CXXC4: variants seen among roughly 807,000 people sequenced by gnomAD.
CXXC4 encodes CXXC-type zinc finger protein 4.
In CXXC4, 5 loss-of-function variants were observed where a neutral mutation model predicts 20.5. The ratio of observed to expected loss-of-function variants is 0.24; its 90% CI spans 0.13 to 0.51. The LOEUF (loss-of-function observed/expected upper bound fraction) is 0.51, where lower values mean the gene tolerates loss of function less well. Among genes scored for constraint, CXXC4 ranks in the 20% least tolerant of loss-of-function variants. The probability of loss-of-function intolerance (pLI) is 0.97; values close to 1 mark genes in which losing one functional copy is unlikely to be tolerated. For synonymous variants in CXXC4, 250 were observed against 216.4 expected (o/e 1.16, Z -1.36); for missense variants, 419 against 496.4 (o/e 0.84, Z 1.48).
chr4:104,490,537 T>G (rs78393785), intron 2 of CXXC4, among the ~76,000 whole-genome samples: 5,172 of 152,276 alleles, frequency 0.034, 316 homozygotes, highest in African/African-American at 0.12. Flanking sequence ...GCACTCTCTC[T>G]ATCAGAAGGG....
chr4:104,474,196 A>G (rs956103199), intron 2 of CXXC4, among the ~76,000 whole-genome samples: 4 of 151,938 alleles, frequency 2.6e-5, no homozygotes, highest in African/African-American at 9.7e-5. Flanking sequence ...AAAGTTCACT[A>G]TTCTCATGGA....
rs1736215883 is a variant in CXXC4, at chr4:104,469,783, T to C, written c.*2539A>G. ...AGAACAATATCAAGAATAAAAAACA[T>C]AAGAGAATTAATGAAAAGCTACACT... On this transcript the variant is annotated 3_prime_UTR_variant, in exon 3 of 3. Transcript: ENST00000394767. 6.6e-6 allele frequency: 1 copy of C among 151,732 alleles called. No individual in the cohort carries two copies. The highest frequency in any genetic ancestry group is 2.4e-5 in the African/African-American group (1 of 41,358). 9.4% of individuals were successfully genotyped at this position (151,732 alleles called of 1,614,324 possible). A position where few individuals can be genotyped will look rare whatever the true frequency, so the allele number is the denominator to read the frequency against.
In CXXC4 at chr4:104,490,923, C is replaced by T. The variant is rs1373699262; in HGVS notation, c.880G>A (p.Gly294Arg). The change falls in exon 2 of 3, where the codon GGA becomes AGA. Residue 294 changes from glycine to arginine, a missense_variant. By Grantham distance (125) the Gly-to-Arg change is moderately radical (BLOSUM62 -2). Coordinates refer to ENST00000394767, the MANE Select transcript of CXXC4 (RefSeq NM_025212.4). ...HSSSSSSSSG[G>R]AGGANPAKKK... ...TTGGCTGGGTTGGCTCCGCCAGCTC[C>T]CCCTGAGGAGGACGAGGAGGAGGAG... The T allele has an allele frequency of 2.5e-6, 4 of 1,614,014 alleles. No homozygotes were observed. In the African/African-American group the frequency reaches 4.0e-5, roughly 16 times the overall value.
chr4:104,476,167 A>G (rs937624735), intron 2 of CXXC4, among the ~76,000 whole-genome samples: 1 of 152,174 alleles, frequency 6.6e-6, no homozygotes, highest in African/African-American at 2.4e-5. Flanking sequence ...TTTTTAAAAA[A>G]ATTTAAAATT....
At chr4:104,475,888 C>T (rs1008071815) in intron 2 of CXXC4, among the ~76,000 whole-genome samples, 1 of 152,080 alleles carries the variant, frequency 6.6e-6, no homozygotes. Context: ...TTGTTTAAGG[C>T]AGCCTTCACT....
At chr4:104,484,314 A>G (rs1399772703) in intron 2 of CXXC4, among the ~76,000 whole-genome samples, 1 of 152,016 alleles carries the variant, frequency 6.6e-6, no homozygotes, top group African/African-American at 2.4e-5. Context: ...ACATTGTTCA[A>G]CTATTAAGTT....
chr4:104,489,949 GA>G (rs558195960), intron 2 of CXXC4, among the ~76,000 whole-genome samples: 220 of 152,268 alleles, frequency 1.4e-3, no homozygotes, highest in African/African-American at 5.0e-3. Flanking sequence ...GTCCAATGCA[GA>G]GCCCAGGGGA....
Position 104,491,549 on chromosome 4 carries a change from C to T in CXXC4, c.254G>A (p.Gly85Asp), listed in dbSNP as rs1736877704. Residue 85 changes from glycine (G) to aspartate (D), a missense_variant, in exon 2 of 3, where the codon GGC becomes GAC. Gly to Asp is a moderately conservative substitution (Grantham distance 94, BLOSUM62 -1). Around this residue, in one of 3 missense-constraint regions of CXXC4, gnomAD observed 388 missense variants for 416.0 expected, o/e 0.93. Coordinates refer to ENST00000394767, the MANE Select transcript of CXXC4 (RefSeq NM_025212.4). ...GTTGTCGCAGTTCCAGGGGGACATG[C>T]CGATGCGCGCGGCGGCCGCGGCGGC... Reference protein sequence around the residue: ...AAAAAAAARIGMSPWNCDNAA... With the variant: ...AAAAAAAARIDMSPWNCDNAA... 2 of 1,494,372 alleles carry T rather than the reference C, an allele frequency of 1.3e-6. No homozygotes were observed. Among genetic ancestry groups the T allele is most frequent in the Non-Finnish European group, 1.8e-6 (2 of 1,119,944 alleles). The allele number at this position is 1,494,372 out of a possible 1,614,324, so 92.6% of individuals were successfully genotyped here. A position where few individuals can be genotyped will look rare whatever the true frequency, so the allele number is the denominator to read the frequency against.
intron 2 of CXXC4, among the ~76,000 whole-genome samples, chr4:104,487,550 TATC>T (rs1368978496): frequency 2.0e-5 from 3 of 152,232 alleles, no homozygotes; most frequent in Non-Finnish European, 2.9e-5. Context: ...TCATGTAACT[TATC>T]ATAAGGATCT....
intron 1 of CXXC4, among the ~76,000 whole-genome samples, chr4:104,492,694 C>T (rs1343568164): frequency 6.6e-6 from 1 of 152,010 alleles, no homozygotes; most frequent in African/African-American, 2.4e-5. Flanking sequence ...TCTGTGTCTG[C>T]GGTCATTAGT....
chr4:104,479,463 A>T (rs956733159), intron 2 of CXXC4, among the ~76,000 whole-genome samples: 1 of 152,100 alleles, frequency 6.6e-6, no homozygotes, highest in African/African-American at 2.4e-5. Context: ...TTTAACAGAA[A>T]ATTTCCTGTT....
rs1412547242 is a variant in CXXC4, at chr4:104,469,709, T to C, written c.*2613A>G. On this transcript the variant is annotated 3_prime_UTR_variant, in exon 3 of 3. Transcript: ENST00000394767. ...ATGAGAACTTTATATGCATCCTACATTATATAAATGGAGTTTAACCAAAAA... is the reference window on the plus strand; with the variant it reads ...ATGAGAACTTTATATGCATCCTACACTATATAAATGGAGTTTAACCAAAAA... The C allele has an allele frequency of 6.6e-6, 1 of 151,950 alleles. No homozygotes were observed. The highest frequency in any genetic ancestry group is 1.5e-5 in the Non-Finnish European group (1 of 67,948). The allele number at this position is 151,950 out of a possible 1,614,324, so 9.4% of individuals were successfully genotyped here.
rs116004069 is a variant in CXXC4 at position 104,481,053 on chromosome 4, G to A, written c.1060-8687C>T. ...AATATAATACTACAGAATCACATGAGGTAGCAAGGCAGAGATCATATTAGT... is the reference window on the plus strand; with the variant it reads ...AATATAATACTACAGAATCACATGAAGTAGCAAGGCAGAGATCATATTAGT... On this transcript the variant is annotated intron_variant, in intron 2 of 2. Transcript: ENST00000394767. 6.6e-3 allele frequency among the ~76,000 whole-genome samples: 999 copies of A among 152,230 alleles called. 8 individuals are homozygous for A. Among genetic ancestry groups the A allele is most frequent in the Non-Finnish European group, 0.011 (770 of 68,006 alleles).
At chr4:104,474,414 A>G (rs1736353045) in intron 2 of CXXC4, among the ~76,000 whole-genome samples, 1 of 152,088 alleles carries the variant, frequency 6.6e-6, no homozygotes, top group Non-Finnish European at 1.5e-5. Flanking sequence ...TACATGACGT[A>G]ATAAGAAATA....
intron 2 of CXXC4, among the ~76,000 whole-genome samples, chr4:104,488,381 A>T (rs935828148): frequency 1.3e-5 from 2 of 152,158 alleles, no homozygotes; most frequent in African/African-American, 4.8e-5. Flanking sequence ...TACAACCATA[A>T]CTGTGTATTT....
In CXXC4 at chr4:104,491,279, T is replaced by G. The variant is rs1736846560; in HGVS notation, c.524A>C (p.Asp175Ala). 2 of 1,610,870 alleles carry G rather than the reference T, an allele frequency of 1.2e-6. No homozygotes were observed. The highest frequency in any genetic ancestry group is 1.7e-6 in the Non-Finnish European group (2 of 1,179,386). Reference sequence around the variant, plus strand: ...GCCAGCTTTCCCCAGCCTCTGGGAGTCGTTTCGGTGGTGCATGCTGGTCCT... The same window carrying G: ...GCCAGCTTTCCCCAGCCTCTGGGAGGCGTTTCGGTGGTGCATGCTGGTCCT... ...GSRTSMHHRN[D>A]SQRLGKAGCP... Residue 175 changes from aspartate to alanine, a missense_variant, in exon 2 of 3, where the codon GAC (aspartate) becomes GCC (alanine). Coordinates refer to ENST00000394767, the MANE Select transcript of CXXC4 (RefSeq NM_025212.4).
At position 104,470,407 on chromosome 4, in the gene CXXC4, A is replaced by T. The variant is rs1427576880; in HGVS notation, c.*1915T>A. On this transcript the variant is annotated 3_prime_UTR_variant, in exon 3 of 3. Coordinates refer to ENST00000394767, the MANE Select transcript of CXXC4 (RefSeq NM_025212.4). ...GACCATAACTGTGGACCATGTATTC[A>T]TACTCTACGTGAGGTAAGTCACACT... 6.6e-6 allele frequency: 1 copy of T among 152,026 alleles called. No homozygotes were observed. Among genetic ancestry groups the T allele is most frequent in the Non-Finnish European group, 1.5e-5 (1 of 67,970 alleles). The allele number at this position is 152,026 out of a possible 1,614,324, so 9.4% of individuals were successfully genotyped here. A position where few individuals can be genotyped will look rare whatever the true frequency, so the allele number is the denominator to read the frequency against.
In CXXC4 at chr4:104,472,336, G is replaced by A. The variant is rs1307344542; in HGVS notation, c.1090C>T (p.Arg364Ter). 6.2e-7 allele frequency: 1 copy of A among 1,603,640 alleles called. No individual in the cohort carries two copies. Residue 364 changes from arginine to a stop codon, truncating the protein, a stop_gained, in exon 3 of 3, where the codon CGA (arginine) becomes TGA (stop). Transcript: ENST00000394767. LOFTEE classifies it high-confidence loss of function. ...RTPVPSAEAF[R>*]WFF The stretch of plus-strand genomic sequence containing the variant: ...ATACTACTGCTTTAAAAGAACCATC[G>A]GAATGCTTCAGCGCTGGGAACAGGT...
intron 2 of CXXC4, among the ~76,000 whole-genome samples, chr4:104,477,593 T>C (rs1484432620): frequency 1.3e-5 from 2 of 152,038 alleles, no homozygotes; most frequent in Non-Finnish European, 2.9e-5. Flanking sequence ...GAAATCATAG[T>C]CTAGTAACTA....
Sources: gnomAD v4.1 joint callset for allele counts (sites outside exome capture counted in the v4.1 genomes callset) on GRCh38, gnomAD v4.1.1 for gene constraint, gnomAD v4.1.1 regional missense constraint, MANE v1.5 for transcripts, NCBI Gene and HGNC (gene_info 2026-07-23, HGNC 2026-07-21) for gene names.